Variants in ADGRL2 observed in about 807,000 individuals in gnomAD.
ADGRL2 encodes calcium-independent alpha-latrotoxin receptor 2.
A neutral mutation model predicts 157.4 loss-of-function variants in ADGRL2; 44 were observed. The observed-to-expected ratio is 0.28, with a 90% confidence interval of 0.22 to 0.36. ADGRL2 has a LOEUF of 0.36. ADGRL2 is among the 10% of genes least tolerant of loss of function. The probability of loss-of-function intolerance (pLI) is 1.00; values close to 1 mark genes in which losing one functional copy is unlikely to be tolerated. For synonymous variants in ADGRL2, 585 were observed against 624.7 expected, an observed-to-expected ratio of 0.94 and a Z score of 0.95; for missense variants, 1,510 against 1,768.9, an observed-to-expected ratio of 0.85 and a Z score of 2.63.
At chr1:81,870,909 T>C (rs984115817) in intron 2 of ADGRL2, among the ~76,000 whole-genome samples, 11 of 151,066 alleles carry the variant, frequency 7.3e-5, no homozygotes, top group African/African-American at 2.2e-4. Flanking sequence ...TGTTAATCTT[T>C]CCTTTTTTTT....
intron 3 of ADGRL2, among the ~76,000 whole-genome samples, chr1:81,648,707 T>C (rs942476370): frequency 1.7e-4 from 26 of 152,170 alleles, no homozygotes; most frequent in African/African-American, 6.3e-4. Context: ...ATATGTTACA[T>C]AGTGACATTT....
intron 3 of ADGRL2, among the ~76,000 whole-genome samples, chr1:81,688,291 C>A (rs541581228): frequency 1.8e-4 from 28 of 152,206 alleles, no homozygotes; most frequent in Non-Finnish European, 3.4e-4. Context: ...TTCTCTTCTT[C>A]CTCAGGAAAA....
intron 2 of ADGRL2, among the ~76,000 whole-genome samples, chr1:81,846,428 C>T (rs2092792849): frequency 7.2e-6 from 1 of 138,378 alleles, no homozygotes. Context: ...AAATGTCCCA[C>T]CATGAAGATG....
At position 81,913,220 on chromosome 1, in the gene ADGRL2, A is replaced by G. The variant is rs1211883839; in HGVS notation, c.287+5990A>G. Among the ~76,000 whole-genome samples, 5 of 152,202 alleles carry G rather than the reference A, an allele frequency of 3.3e-5. No homozygotes were observed. In the East Asian group the frequency reaches 7.7e-4, roughly 23 times the overall value. ...ATATCCTAACCTATTATCTCTAAGT[A>G]TAATAATTACACTTTATTTTACTTT... On this transcript the variant is annotated intron_variant, in intron 3 of 23. Transcript: ENST00000686636.
At chr1:81,948,265 C>CA (rs35614162) in intron 6 of ADGRL2, among the ~76,000 whole-genome samples, 132 of 146,728 alleles carry the variant, frequency 9.0e-4, no homozygotes, top group African/African-American at 1.8e-3. Flanking sequence ...AATAAATTAT[C>CA]AAAAAAAAAA....
At chr1:81,897,716 A>G (rs1300188918) in intron 2 of ADGRL2, among the ~76,000 whole-genome samples, 1 of 152,164 alleles carries the variant, frequency 6.6e-6, no homozygotes, top group Non-Finnish European at 1.5e-5. Flanking sequence ...ACTCTTAGCA[A>G]GTCCCCAAGT....
At chr1:81,832,775 G>C (rs1450692701) in intron 1 of ADGRL2, among the ~76,000 whole-genome samples, 2 of 152,160 alleles carry the variant, frequency 1.3e-5, no homozygotes, top group Non-Finnish European at 2.9e-5. Flanking sequence ...AAAGAATGCT[G>C]AATGTCTGAA....
At chr1:81,645,396 CA>C (rs374061248) in intron 3 of ADGRL2, among the ~76,000 whole-genome samples, 4,165 of 94,828 alleles carry the variant, frequency 0.044, 45 homozygotes, top group African/African-American at 0.091. Context: ...GATCCTGTCT[CA>C]AAAAAAAAAA....
chr1:81,902,592 C>T (rs2094507000), intron 2 of ADGRL2, among the ~76,000 whole-genome samples: 1 of 151,934 alleles, frequency 6.6e-6, no homozygotes, highest in South Asian at 2.1e-4. Flanking sequence ...GGTGACAGAG[C>T]AAGACTCCAT....
chr1:81,887,787 T>C (rs953846961), intron 2 of ADGRL2, among the ~76,000 whole-genome samples: 1 of 152,220 alleles, frequency 6.6e-6, no homozygotes, highest in Non-Finnish European at 1.5e-5. Context: ...CTATATAAAT[T>C]GTAATTATTC....
At chr1:81,507,373 A>T (rs1261645070) in intron 2 of ADGRL2, among the ~76,000 whole-genome samples, 3 of 152,280 alleles carry the variant, frequency 2.0e-5, no homozygotes, top group African/African-American at 7.2e-5. Context: ...ACCAGTGCAG[A>T]TAGGGAAATT....
At chr1:81,311,358 T>A (rs933399530) in intron 1 of ADGRL2, among the ~76,000 whole-genome samples, 15 of 152,200 alleles carry the variant, frequency 9.9e-5, no homozygotes, top group Admixed American at 3.9e-4. Context: ...CTATTCTCAA[T>A]GCCTGCAGTT....
chr1:81,612,466 T>C (rs886096098), intron 3 of ADGRL2, among the ~76,000 whole-genome samples: 14 of 152,270 alleles, frequency 9.2e-5, no homozygotes, highest in Middle Eastern at 3.4e-3. Flanking sequence ...TAACATCTAC[T>C]ACAAAAATAA....
chr1:81,825,968 A>G (rs1412262108), intron 1 of ADGRL2, among the ~76,000 whole-genome samples: 2 of 152,152 alleles, frequency 1.3e-5, no homozygotes, highest in African/African-American at 4.8e-5. Context: ...ATTGAAAGCA[A>G]TGGGAAGAGG....
intron 2 of ADGRL2, among the ~76,000 whole-genome samples, chr1:81,792,082 T>A (rs1228194828): frequency 6.6e-6 from 1 of 152,236 alleles, no homozygotes; most frequent in Non-Finnish European, 1.5e-5. Context: ...GGGAGTATGT[T>A]TACCATTCTC....
chr1:81,652,796 G>A (rs953563345), intron 3 of ADGRL2, among the ~76,000 whole-genome samples: 11 of 152,086 alleles, frequency 7.2e-5, no homozygotes, highest in Non-Finnish European at 1.5e-4. Context: ...TCCAATCAAA[G>A]CCCTCTCCCT....
intron 1 of ADGRL2, among the ~76,000 whole-genome samples, chr1:81,365,330 A>G (rs938151686): frequency 7.2e-5 from 11 of 152,302 alleles, no homozygotes; most frequent in Non-Finnish European, 1.3e-4. Flanking sequence ...GACATAAGGT[A>G]AAAAGTTGCC....
intron 1 of ADGRL2, among the ~76,000 whole-genome samples, chr1:81,742,312 GT>G (rs1228991910): frequency 1.3e-5 from 2 of 151,926 alleles, no homozygotes; most frequent in African/African-American, 2.4e-5. Flanking sequence ...CTCATTAAAG[GT>G]TTGTTATCTA....
In ADGRL2 at chr1:81,490,859, A is replaced by G. The variant is rs76531825; in HGVS notation, c.-248+45770A>G. 3.8e-3 allele frequency among the ~76,000 whole-genome samples: 585 copies of G among 152,352 alleles called. 1 individual carries two copies. Among genetic ancestry groups the G allele is most frequent in the Middle Eastern group, 0.014 (4 of 294 alleles). On this transcript the variant is annotated intron_variant, in intron 2 of 24. Coordinates refer to the ADGRL2 transcript ENST00000370721. The stretch of plus-strand genomic sequence containing the variant: ...AAGAATGTACATAGCAACTTTATTC[A>G]TCATAACCCCAAATGCAAGCAACAC...
Sources: gnomAD v4.1 joint callset for allele counts (sites outside exome capture counted in the v4.1 genomes callset) on GRCh38, gnomAD v4.1.1 for gene constraint, MANE v1.5 for transcripts, NCBI Gene and HGNC (gene_info 2026-07-23, HGNC 2026-07-21) for gene names.